The following ACER3 variants were observed in gnomAD, a reference collection of about 807,000 sequenced individuals.
ACER3 encodes alkCDase 3.
Under a neutral mutation model 48.9 loss-of-function variants are expected in ACER3, and 16 were observed. That is an observed-to-expected ratio of 0.33 (90% CI 0.22 to 0.50). The LOEUF (loss-of-function observed/expected upper bound fraction) is 0.50, where lower values mean the gene tolerates loss of function less well. Ranked by LOEUF, ACER3 falls within the 20% of genes least tolerant of loss-of-function variation. The pLI is 0.98. For missense variants in ACER3, 227 were observed against 326.0 expected (o/e 0.70, Z 2.34); for synonymous variants, 109 against 107.8 (o/e 1.01, Z -0.07).
At chr11:76,883,009 T>A (rs1017358379) in intron 1 of ACER3, among the ~76,000 whole-genome samples, 1 of 152,240 alleles carries the variant, frequency 6.6e-6, no homozygotes, top group Non-Finnish European at 1.5e-5. Flanking sequence ...GCTTCAGTGT[T>A]CTGGTTCCCC....
chr11:76,926,219 A>G (rs1040429761), intron 1 of ACER3, among the ~76,000 whole-genome samples: 3 of 152,214 alleles, frequency 2.0e-5, no homozygotes, highest in African/African-American at 7.2e-5. Flanking sequence ...ATTTCAGTGC[A>G]TCAGTATAGG....
At chr11:76,915,033 AC>A (rs1946486782) in intron 1 of ACER3, among the ~76,000 whole-genome samples, 1 of 151,972 alleles carries the variant, frequency 6.6e-6, no homozygotes, top group Non-Finnish European at 1.5e-5. Flanking sequence ...AACATCACAC[AC>A]CGGGGACTGT....
intron 2 of ACER3, among the ~76,000 whole-genome samples, chr11:76,950,723 C>T (rs913827925): frequency 2.0e-5 from 3 of 151,834 alleles, no homozygotes; most frequent in Admixed American, 6.6e-5. Context: ...GTCTTGGCCT[C>T]CCAAAGTTGT....
intron 7 of ACER3, among the ~76,000 whole-genome samples, chr11:77,012,595 A>C (rs1854102004): frequency 6.6e-6 from 1 of 152,170 alleles, no homozygotes; most frequent in East Asian, 1.9e-4. Context: ...TTAAGGATTA[A>C]ATTTAACAAA....
At chr11:76,887,399 CAAAG>C (rs1554992919) in intron 1 of ACER3, among the ~76,000 whole-genome samples, 1 of 152,086 alleles carries the variant, frequency 6.6e-6, no homozygotes, top group Non-Finnish European at 1.5e-5. Flanking sequence ...AAGGAGAACT[CAAAG>C]AGAGACTGCT....
intron 1 of ACER3, among the ~76,000 whole-genome samples, chr11:76,871,865 C>G (rs2134527323): frequency 6.6e-6 from 1 of 152,184 alleles, no homozygotes; most frequent in Non-Finnish European, 1.5e-5. Flanking sequence ...CAGGGCCTTG[C>G]TATTTATCAT....
intron 4 of ACER3, among the ~76,000 whole-genome samples, chr11:76,978,128 G>A (rs1249818310): frequency 6.6e-6 from 1 of 152,216 alleles, no homozygotes; most frequent in African/African-American, 2.4e-5. Context: ...GGCACCATGG[G>A]CCATACATTG....
At chr11:76,945,922 A>G (rs1180453961) in intron 2 of ACER3, among the ~76,000 whole-genome samples, 1 of 152,148 alleles carries the variant, frequency 6.6e-6, no homozygotes, top group South Asian at 2.1e-4. Context: ...CCTAGTTATG[A>G]GCAGGAGAGT....
In ACER3 at chr11:77,026,513, A is replaced by T. The variant is rs2135360628; in HGVS notation, c.*6186A>T. 6.6e-6 allele frequency: 1 copy of T among 152,338 alleles called. No individual in the cohort carries two copies. The highest frequency in any genetic ancestry group is 1.9e-4 in the East Asian group (1 of 5,190). 9.4% of individuals were successfully genotyped at this position (152,338 alleles called of 1,614,324 possible). Reference sequence around the variant, plus strand: ...GACCAACAGATAAACTGTTCAAGCTAATACAGCATTTCCTAACTTCATAGT... The same window carrying T: ...GACCAACAGATAAACTGTTCAAGCTTATACAGCATTTCCTAACTTCATAGT... On this transcript the variant is annotated 3_prime_UTR_variant, in exon 11 of 11. Transcript: ENST00000532485.
intron 1 of ACER3, among the ~76,000 whole-genome samples, chr11:76,917,382 AAT>A (rs1405694968): frequency 6.6e-6 from 1 of 152,186 alleles, no homozygotes; most frequent in Non-Finnish European, 1.5e-5. Context: ...TCATAAATTA[AAT>A]ATTTTTCTAA....
chr11:76,953,766 G>T (rs1947756618), intron 2 of ACER3, among the ~76,000 whole-genome samples: 2 of 151,972 alleles, frequency 1.3e-5, no homozygotes, highest in South Asian at 2.1e-4. Context: ...AAATATTTTT[G>T]ATATCAAAAT....
intron 1 of ACER3, among the ~76,000 whole-genome samples, chr11:76,896,312 G>A (rs1371741926): frequency 6.6e-6 from 1 of 151,956 alleles, no homozygotes; most frequent in African/African-American, 2.4e-5. Flanking sequence ...AGAACCTTTC[G>A]TGAAGTTTTA....
At chr11:76,977,637 C>T (rs1025219979) in intron 4 of ACER3, among the ~76,000 whole-genome samples, 3 of 152,240 alleles carry the variant, frequency 2.0e-5, no homozygotes, top group African/African-American at 7.2e-5. Flanking sequence ...CTTTTGAGGG[C>T]AGCAGTAGCC....
At chr11:76,999,726 T>C (rs1291565519) in intron 7 of ACER3, among the ~76,000 whole-genome samples, 2 of 152,208 alleles carry the variant, frequency 1.3e-5, no homozygotes, top group Non-Finnish European at 2.9e-5. Context: ...GTATCAGATA[T>C]ATAACCTTTG....
chr11:77,015,910 C>T (rs1949356885), intron 8 of ACER3, among the ~76,000 whole-genome samples: 1 of 152,060 alleles, frequency 6.6e-6, no homozygotes, highest in African/African-American at 2.4e-5. Flanking sequence ...AGTTCAAGAC[C>T]AGCCAGGCCA....
intron 1 of ACER3, among the ~76,000 whole-genome samples, chr11:76,901,126 TG>T: frequency 6.6e-6 from 1 of 152,280 alleles, no homozygotes; most frequent in East Asian, 1.9e-4. Context: ...CACAGAGTGT[TG>T]TGTTTACATG....
intron 2 of ACER3, among the ~76,000 whole-genome samples, chr11:76,951,196 A>C (rs1292754014): frequency 6.6e-6 from 1 of 152,222 alleles, no homozygotes; most frequent in East Asian, 1.9e-4. Flanking sequence ...TTATCACAAG[A>C]TTCATAAATA....
At chr11:76,978,749 G>T in intron 4 of ACER3, 1 of 154,356 alleles carries the variant, frequency 6.5e-6, no homozygotes, top group South Asian at 2.0e-4. Flanking sequence ...CCGCGAGCCA[G>T]GGCTGTGACA....
At chr11:76,874,250 C>T (rs1283332026) in intron 1 of ACER3, among the ~76,000 whole-genome samples, 1 of 151,988 alleles carries the variant, frequency 6.6e-6, no homozygotes, top group Non-Finnish European at 1.5e-5. Context: ...TTAGCCTTAT[C>T]AAATATCATT....
Sources: allele counts gnomAD v4.1 joint callset (sites outside exome capture counted in the v4.1 genomes callset), GRCh38; gene constraint gnomAD v4.1.1; transcripts MANE v1.5; gene names NCBI Gene and HGNC (gene_info 2026-07-23, HGNC 2026-07-21).